Variants in ANO3 observed in about 807,000 individuals in gnomAD.
ANO3 encodes anoctamin 3.
ANO3 carries 99 observed loss-of-function variants against 144.8 expected under a neutral mutation model. The ratio of observed to expected loss-of-function variants is 0.68; its 90% CI spans 0.58 to 0.81. The LOEUF is 0.81. Ranked by LOEUF, ANO3 falls within the 30% of genes least tolerant of loss-of-function variation. The probability of loss-of-function intolerance (pLI) is 0.00; values close to 1 mark genes in which losing one functional copy is unlikely to be tolerated. For missense variants in ANO3, 905 were observed against 1,202.2 expected (o/e 0.75, Z 3.66); for synonymous variants, 414 against 392.6 (o/e 1.05, Z -0.64).
chr11:26,639,148 A>C lies in ANO3; in HGVS notation c.2048A>C (p.His683Pro). ...TGCTCTTATGTTCTATTTCAGTGTC[A>C]TCCTAGTGGCTGTTTGATAGACCTC... ...LFDRWRLEEC[H>P]PSGCLIDLCL... is the part of the protein sequence containing the mutation. The change falls in exon 21 of 27, where the codon CAT (histidine) becomes CCT (proline). Residue 683 changes from histidine (H) to proline (P), a missense_variant. Around this residue, in one of 4 missense-constraint regions of ANO3, gnomAD observed 597 missense variants for 865.1 expected, o/e 0.69. Coordinates refer to ENST00000256737, the MANE Select transcript of ANO3 (RefSeq NM_031418.4). The C allele has an allele frequency of 6.2e-7, 1 of 1,608,572 alleles. No individual in the cohort carries two copies. Among genetic ancestry groups the C allele is most frequent in the Non-Finnish European group, 8.5e-7 (1 of 1,175,128 alleles).
intron 1 of ANO3, among the ~76,000 whole-genome samples, chr11:26,401,298 C>T (rs1159397074): frequency 6.7e-6 from 1 of 148,536 alleles, no homozygotes; most frequent in Non-Finnish European, 1.5e-5. Flanking sequence ...CCTTCATTGT[C>T]TTGCTTCTGC....
At chr11:26,192,994 G>T (rs1226324845) in intron 1 of ANO3, among the ~76,000 whole-genome samples, 1 of 151,944 alleles carries the variant, frequency 6.6e-6, no homozygotes, top group African/African-American at 2.4e-5. Flanking sequence ...TATGTGCCAT[G>T]GTGGTTTGCT....
intron 1 of ANO3, among the ~76,000 whole-genome samples, chr11:26,266,100 T>G (rs574500518): frequency 4.5e-4 from 69 of 152,300 alleles, no homozygotes; most frequent in African/African-American, 1.6e-3. Flanking sequence ...ATTTTCTAAC[T>G]AGATATTTAC....
chr11:26,256,198 G>A (rs1285204516), intron 1 of ANO3, among the ~76,000 whole-genome samples: 1 of 152,110 alleles, frequency 6.6e-6, no homozygotes, highest in African/African-American at 2.4e-5. Context: ...TTGGTTTTTT[G>A]AAAATGTCTT....
At chr11:26,313,416 G>C (rs969164933) in intron 1 of ANO3, among the ~76,000 whole-genome samples, 1 of 152,324 alleles carries the variant, frequency 6.6e-6, no homozygotes, top group East Asian at 1.9e-4. Flanking sequence ...GCCAGGCATG[G>C]TGGCTCACGC....
chr11:26,527,360 T>G (rs1435937354), intron 7 of ANO3, among the ~76,000 whole-genome samples: 1 of 152,176 alleles, frequency 6.6e-6, no homozygotes, highest in Non-Finnish European at 1.5e-5. Context: ...TCCAAATGAT[T>G]ATTAAAATAT....
intron 3 of ANO3, among the ~76,000 whole-genome samples, chr11:26,446,901 T>C (rs878883030): frequency 6.6e-6 from 1 of 152,048 alleles, no homozygotes; most frequent in Admixed American, 6.5e-5. Flanking sequence ...TAAACAGCTG[T>C]TTCTGTGATC....
intron 3 of ANO3, among the ~76,000 whole-genome samples, chr11:26,447,275 A>C (rs1160501887): frequency 1.3e-5 from 2 of 151,900 alleles, no homozygotes; most frequent in Admixed American, 6.6e-5. Context: ...CGATGGATAA[A>C]CAATAATTTA....
intron 12 of ANO3, among the ~76,000 whole-genome samples, chr11:26,552,769 G>A (rs976101718): frequency 6.6e-6 from 1 of 151,936 alleles, no homozygotes; most frequent in East Asian, 1.9e-4. Context: ...ACATAAAAAA[G>A]CAATTATTTT....
At chr11:26,261,683 T>C (rs1853193528) in intron 1 of ANO3, among the ~76,000 whole-genome samples, 1 of 152,230 alleles carries the variant, frequency 6.6e-6, no homozygotes, top group African/African-American at 2.4e-5. Flanking sequence ...TGTTTCATTT[T>C]AGATGGGCCT....
chr11:26,377,592 T>G (rs1200380404), intron 1 of ANO3, among the ~76,000 whole-genome samples: 2 of 152,068 alleles, frequency 1.3e-5, no homozygotes, highest in East Asian at 3.8e-4. Context: ...ACATGTCTAA[T>G]TGGAAATCTG....
chr11:26,402,384 T>C (rs182515212), intron 1 of ANO3, among the ~76,000 whole-genome samples: 2 of 152,210 alleles, frequency 1.3e-5, no homozygotes, highest in East Asian at 1.9e-4. Context: ...ATTTCTCTAA[T>C]GATTAATGAT....
intron 4 of ANO3, among the ~76,000 whole-genome samples, chr11:26,472,556 G>A (rs752003182): frequency 2.6e-5 from 4 of 151,888 alleles, no homozygotes; most frequent in African/African-American, 9.7e-5. Context: ...GGAGGTGTGT[G>A]CAAGGGACTA....
At chr11:26,347,049 T>C (rs1276622798) in intron 1 of ANO3, among the ~76,000 whole-genome samples, 1 of 152,210 alleles carries the variant, frequency 6.6e-6, no homozygotes, top group Non-Finnish European at 1.5e-5. Context: ...TTTAATAAAA[T>C]TTCAGAGTAT....
At chr11:26,537,145 C>T (rs1006650642) in intron 9 of ANO3, among the ~76,000 whole-genome samples, 1 of 151,712 alleles carries the variant, frequency 6.6e-6, no homozygotes, top group Admixed American at 6.6e-5. Flanking sequence ...GGGTTAAATG[C>T]CCAATATTTT....
At chr11:26,363,790 A>G (rs1052390949) in intron 1 of ANO3, among the ~76,000 whole-genome samples, 1 of 151,748 alleles carries the variant, frequency 6.6e-6, no homozygotes, top group African/African-American at 2.4e-5. Flanking sequence ...GCTGTTAGTG[A>G]TAACTGCAGA....
At chr11:26,436,064 G>A (rs1033106749) in intron 1 of ANO3, among the ~76,000 whole-genome samples, 3 of 152,134 alleles carry the variant, frequency 2.0e-5, no homozygotes, top group African/African-American at 7.2e-5. Context: ...ATGGTCATGT[G>A]GGGGCAGGGA....
intron 18 of ANO3, among the ~76,000 whole-genome samples, chr11:26,626,241 A>G (rs1852580502): frequency 6.8e-6 from 1 of 146,994 alleles, no homozygotes; most frequent in South Asian, 2.3e-4. Flanking sequence ...CATCCCATCA[A>G]TATTGATATC....
chr11:26,501,904 G>A (rs547887557), intron 4 of ANO3, among the ~76,000 whole-genome samples: 48 of 152,248 alleles, frequency 3.2e-4, no homozygotes, highest in African/African-American at 1.1e-3. Context: ...TATAAAGAAG[G>A]CTTTTTCAGG....
Sources: allele counts gnomAD v4.1 joint callset (sites outside exome capture counted in the v4.1 genomes callset), GRCh38; gene constraint gnomAD v4.1.1; regional missense constraint gnomAD v4.1.1; transcripts MANE v1.5; gene names NCBI Gene and HGNC (gene_info 2026-07-23, HGNC 2026-07-21).